Variants in SLC7A11 observed in about 807,000 individuals in gnomAD.
The protein encoded by SLC7A11 is cystine/glutamate transporter.
Under a neutral mutation model 54.5 loss-of-function variants are expected in SLC7A11, and 35 were observed. The ratio of observed to expected loss-of-function variants is 0.64; its 90% CI spans 0.49 to 0.85. The LOEUF is 0.85. Ranked by LOEUF, SLC7A11 falls within the 40% of genes least tolerant of loss-of-function variation. SLC7A11 has a pLI of 0.00. For missense variants in SLC7A11, 583 were observed against 618.1 expected, an observed-to-expected ratio of 0.94 and a Z score of 0.60; for synonymous variants, 230 against 225.2, an observed-to-expected ratio of 1.02 and a Z score of -0.19.
At chr4:138,229,689 C>T (rs968326345) in intron 3 of SLC7A11, among the ~76,000 whole-genome samples, 14 of 152,078 alleles carry the variant, frequency 9.2e-5, no homozygotes, top group East Asian at 1.9e-4. Context: ...CTCAGAGATA[C>T]GAATTTTCCC....
chr4:138,173,099 T>A (rs556400633), intron 11 of SLC7A11, among the ~76,000 whole-genome samples: 1 of 152,172 alleles, frequency 6.6e-6, no homozygotes, highest in East Asian at 1.9e-4. Context: ...TGCCTCGACC[T>A]CCCAAAGTGC....
At chr4:138,238,420 A>G (rs1738293470) in intron 1 of SLC7A11, among the ~76,000 whole-genome samples, 1 of 152,148 alleles carries the variant, frequency 6.6e-6, no homozygotes, top group African/African-American at 2.4e-5. Flanking sequence ...TAAGAACACA[A>G]TTTTTTTCCA....
At chr4:138,238,658 G>A (rs1419715206) in intron 1 of SLC7A11, among the ~76,000 whole-genome samples, 1 of 151,320 alleles carries the variant, frequency 6.6e-6, no homozygotes, top group Non-Finnish European at 1.5e-5. Flanking sequence ...GGAGTGCAGT[G>A]GCACAATCTT....
intron 2 of SLC7A11, among the ~76,000 whole-genome samples, chr4:138,234,242 C>T (rs569874688): frequency 2.2e-4 from 34 of 152,128 alleles, no homozygotes; most frequent in African/African-American, 7.9e-4. Flanking sequence ...GTTTAATGAC[C>T]CCTGCTGTGT....
At chr4:138,222,252 A>G (rs981053449) in intron 4 of SLC7A11, among the ~76,000 whole-genome samples, 1 of 152,160 alleles carries the variant, frequency 6.6e-6, no homozygotes, top group Non-Finnish European at 1.5e-5. Context: ...AGTGTTTGTC[A>G]TTATTTAATG....
At chr4:138,192,839 C>T (rs1209713770) in intron 6 of SLC7A11, among the ~76,000 whole-genome samples, 1 of 152,106 alleles carries the variant, frequency 6.6e-6, no homozygotes, top group Admixed American at 6.6e-5. Context: ...AAATCTGTTG[C>T]ATTTCTGAAA....
intron 6 of SLC7A11, among the ~76,000 whole-genome samples, chr4:138,198,500 G>A (rs960096681): frequency 6.6e-6 from 1 of 152,166 alleles, no homozygotes; most frequent in Non-Finnish European, 1.5e-5. Context: ...TTCAAACCAT[G>A]AGGTGTAATT....
At chr4:138,176,819 T>C (rs1355072541) in intron 11 of SLC7A11, 1 of 152,156 alleles carries the variant, frequency 6.6e-6, no homozygotes, top group African/African-American at 2.4e-5. Flanking sequence ...ATCCTAAATG[T>C]TAGCAATGAA....
At position 138,214,570 on chromosome 4, in the gene SLC7A11, C is replaced by T. The variant is rs375766739; in HGVS notation, c.791+15G>A. On this transcript the variant is annotated intron_variant, in intron 6 of 11. Transcript: ENST00000280612. ...TATTCTTCATAAAAATTTCAGGGTACATCTGGCTACTTACTTTTCAGGGTT... is the reference window on the plus strand; with the variant it reads ...TATTCTTCATAAAAATTTCAGGGTATATCTGGCTACTTACTTTTCAGGGTT... 2.8e-6 allele frequency: 4 copies of T among 1,443,332 alleles called. No homozygotes were observed. The highest frequency in any genetic ancestry group is 3.8e-6 in the Non-Finnish European group (4 of 1,059,930). The allele number at this position is 1,443,332 out of a possible 1,614,324, so 89.4% of individuals were successfully genotyped here. A position where few individuals can be genotyped will look rare whatever the true frequency, so the allele number is the denominator to read the frequency against.
At chr4:138,239,201 A>C (rs1364629345) in intron 1 of SLC7A11, among the ~76,000 whole-genome samples, 1 of 152,198 alleles carries the variant, frequency 6.6e-6, no homozygotes, top group Non-Finnish European at 1.5e-5. Context: ...GTACCTCAGA[A>C]TTTATTGTCA....
intron 1 of SLC7A11, among the ~76,000 whole-genome samples, chr4:138,237,894 G>A (rs1025545412): frequency 1.1e-4 from 16 of 148,988 alleles, no homozygotes; most frequent in African/African-American, 4.0e-4. Context: ...TGGGATTAGA[G>A]GTGCCTGCCA....
rs960317535 is a variant in SLC7A11, at chr4:138,167,076, T to G, written c.*4880A>C. 1 of 151,936 alleles carries G rather than the reference T, an allele frequency of 6.6e-6. No homozygotes were observed. Among genetic ancestry groups the G allele is most frequent in the South Asian group, 2.1e-4 (1 of 4,824 alleles). 9.4% of individuals were successfully genotyped at this position (151,936 alleles called of 1,614,324 possible). A position where few individuals can be genotyped will look rare whatever the true frequency, so the allele number is the denominator to read the frequency against. ...AAAATTGACTATTAAAAAATAATTTTTAAGTACAGTACTAATAAACTAAGG... is the reference window on the plus strand; with the variant it reads ...AAAATTGACTATTAAAAAATAATTTGTAAGTACAGTACTAATAAACTAAGG... On this transcript the variant is annotated 3_prime_UTR_variant, in exon 12 of 12. Coordinates refer to ENST00000280612, the MANE Select transcript of SLC7A11 (RefSeq NM_014331.4).
At chr4:138,183,380 T>C in intron 7 of SLC7A11, 75 bp from the exon 8 acceptor site, 1 of 948,910 alleles carries the variant, frequency 1.1e-6, no homozygotes, top group Non-Finnish European at 1.7e-6. Flanking sequence ...TAGGCCAAAC[T>C]TGCTCTATGA....
At chr4:138,173,070 T>C (rs1736476930) in intron 11 of SLC7A11, among the ~76,000 whole-genome samples, 1 of 152,112 alleles carries the variant, frequency 6.6e-6, no homozygotes, top group Non-Finnish European at 1.5e-5. Context: ...CTTGAACTCC[T>C]GGCCTCAAGT....
In SLC7A11 at chr4:138,242,276, G is replaced by A; in HGVS notation, c.-207C>T. On this transcript the variant is annotated 5_prime_UTR_variant, in exon 1 of 12. It adds an upstream start codon to the 5' untranslated region. Coordinates refer to ENST00000280612, the MANE Select transcript of SLC7A11 (RefSeq NM_014331.4). ...ACTCAGAAACACCTGTGTATGCATC[G>A]TGCTCTCAATTCTCCACCTCCTCGT... 1 of 600,704 alleles carries A rather than the reference G, an allele frequency of 1.7e-6. No homozygotes were observed. Among genetic ancestry groups the A allele is most frequent in the South Asian group, 2.0e-5 (1 of 49,666 alleles). The allele number at this position is 600,704 out of a possible 1,614,324, so 37.2% of individuals were successfully genotyped here. A position where few individuals can be genotyped will look rare whatever the true frequency, so the allele number is the denominator to read the frequency against.
chr4:138,192,215 C>T (rs1737028613), intron 6 of SLC7A11, among the ~76,000 whole-genome samples: 1 of 152,154 alleles, frequency 6.6e-6, no homozygotes, highest in Non-Finnish European at 1.5e-5. Flanking sequence ...GCTACCAAAA[C>T]AGACACCACA....
chr4:138,180,289 C>G (rs769745477), intron 10 of SLC7A11, among the ~76,000 whole-genome samples: 4 of 152,098 alleles, frequency 2.6e-5, no homozygotes, highest in Non-Finnish European at 5.9e-5. Flanking sequence ...TCCTCCTCAC[C>G]ATGGCTGTCC....
At chr4:138,231,626 A>G (rs1474105192) in intron 3 of SLC7A11, among the ~76,000 whole-genome samples, 4 of 152,172 alleles carry the variant, frequency 2.6e-5, no homozygotes, top group Non-Finnish European at 2.9e-5. Context: ...TTAGAGTCAT[A>G]TATGGCTTCA....
chr4:138,174,754 G>A (rs1433333171), intron 11 of SLC7A11: 4 of 152,190 alleles, frequency 2.6e-5, no homozygotes, highest in Non-Finnish European at 5.9e-5. Context: ...AAATAAAGGT[G>A]TGTTAATGAG....
Sources: gnomAD v4.1 joint callset for allele counts (sites outside exome capture counted in the v4.1 genomes callset) on GRCh38, gnomAD v4.1.1 for gene constraint, MANE v1.5 for transcripts, NCBI Gene and HGNC (gene_info 2026-07-23, HGNC 2026-07-21) for gene names.